RFX3: variants seen among roughly 807,000 people sequenced by gnomAD.
RFX3 encodes regulatory factor X3.
RFX3 carries 14 observed loss-of-function variants against 98.6 expected under a neutral mutation model. The observed-to-expected ratio is 0.14, with a 90% CI of 0.09 to 0.22. The LOEUF is 0.22. RFX3 is among the 10% of genes least tolerant of loss of function. The pLI, the probability that RFX3 is intolerant of heterozygous loss-of-function variation, is 1.00. For synonymous variants in RFX3, 383 were observed against 328.4 expected (o/e 1.17, Z -1.80); for missense variants, 639 against 926.9 (o/e 0.69, Z 4.03).
At chr9:3,394,746 T>C (rs1840681517) in intron 2 of RFX3, 1 of 762,410 alleles carries the variant, frequency 1.3e-6, no homozygotes, top group Non-Finnish European at 1.6e-6. Flanking sequence ...CTCAAGATAA[T>C]GTTATATGAC....
rs571543229 is a variant in RFX3, at chr9:3,271,245, A to T, written c.1087-127T>A. 76 of 666,718 alleles carry T rather than the reference A, an allele frequency of 1.1e-4. No homozygotes were observed. In the African/African-American group the frequency reaches 1.3e-3, roughly 11 times the overall value. The allele number at this position is 666,718 out of a possible 1,614,324, so 41.3% of individuals were successfully genotyped here. On this transcript the variant is annotated intron_variant, in intron 9 of 16. Transcript: ENST00000617270. ...TGGGGTCATAAGTTAACATGGTGAA[A>T]CTACACTAAATTTTACCAAAGGAAG...
At chr9:3,524,878 C>CG (rs1467119557) in intron 1 of RFX3, among the ~76,000 whole-genome samples, 2 of 113,966 alleles carry the variant, frequency 1.8e-5, no homozygotes, top group East Asian at 5.5e-4. Context: ...CACACACACA[C>CG]CAAAGAAGAG....
chr9:3,412,929 T>G (rs1355074598), intron 1 of RFX3, among the ~76,000 whole-genome samples: 1 of 152,162 alleles, frequency 6.6e-6, no homozygotes, highest in Admixed American at 6.6e-5. Flanking sequence ...TCAATAACTA[T>G]AGAGAACAGG....
rs1427598401 is a variant in RFX3, at chr9:3,480,142, T to TAGA, written c.-9+45604_-9+45605insTCT. On this transcript the variant is annotated intron_variant, in intron 1 of 16. Transcript: ENST00000617270. ...CAACAACCACCATTTTATTTGGTCA[T>TAGA]AATTCTGCAATCTGAGCAGGGCTCA... is the stretch of plus-strand genomic sequence containing the variant. 4.6e-5 allele frequency among the ~76,000 whole-genome samples: 7 copies of TAGA among 152,364 alleles called. 1 individual carries two copies. Among genetic ancestry groups the TAGA allele is most frequent in the Admixed American group, 1.3e-4 (2 of 15,296 alleles).
chr9:3,275,470 T>A (rs1284550530), intron 9 of RFX3, 30 bp downstream of exon 9: 4 of 1,258,004 alleles, frequency 3.2e-6, no homozygotes, highest in Admixed American at 3.4e-5. Context: ...AAACCTAGCA[T>A]GTGTTCATAC....
At chr9:3,250,993 AGATATACGTACAATCGTATATGAAG>A (rs1163704114) in intron 14 of RFX3, among the ~76,000 whole-genome samples, 1 of 152,186 alleles carries the variant, frequency 6.6e-6, no homozygotes, top group Non-Finnish European at 1.5e-5. Flanking sequence ...ACTTATCCAA[AGATATACGTACAATCGTATATGAAG>A]ATAATCATAA....
intron 1 of RFX3, among the ~76,000 whole-genome samples, chr9:3,476,379 A>T (rs1223158759): frequency 6.6e-6 from 1 of 152,118 alleles, no homozygotes; most frequent in Admixed American, 6.5e-5. Context: ...AAGTGCCAAG[A>T]GAGGATCATC....
intron 15 of RFX3, among the ~76,000 whole-genome samples, chr9:3,235,131 G>A (rs1220960438): frequency 6.6e-6 from 1 of 152,228 alleles, no homozygotes; most frequent in Non-Finnish European, 1.5e-5. Context: ...AAGTTTGCAA[G>A]ACAAGAGATT....
chr9:3,505,064 T>C (rs1423000119), intron 1 of RFX3, among the ~76,000 whole-genome samples: 1 of 93,420 alleles, frequency 1.1e-5, no homozygotes, highest in Non-Finnish European at 1.9e-5. Flanking sequence ...ATAAAATATA[T>C]AATAAAATAT....
intron 4 of RFX3, among the ~76,000 whole-genome samples, chr9:3,325,894 T>C (rs933108045): frequency 1.3e-5 from 2 of 152,060 alleles, no homozygotes; most frequent in African/African-American, 4.8e-5. Context: ...GAGGGAAATA[T>C]TATGTTGATA....
At chr9:3,450,241 T>TA (rs1407405838) in intron 1 of RFX3, among the ~76,000 whole-genome samples, 1 of 152,244 alleles carries the variant, frequency 6.6e-6, no homozygotes, top group East Asian at 1.9e-4. Flanking sequence ...TTGTTTGATC[T>TA]ATGTGAAAAT....
chr9:3,298,338 G>A (rs1021657289), intron 5 of RFX3, among the ~76,000 whole-genome samples: 3 of 151,636 alleles, frequency 2.0e-5, no homozygotes, highest in East Asian at 1.9e-4. Context: ...CTTTACCAAC[G>A]ATGTTCACAT....
intron 3 of RFX3, among the ~76,000 whole-genome samples, chr9:3,339,725 A>C (rs1833643016): frequency 6.6e-6 from 1 of 152,180 alleles, no homozygotes; most frequent in Non-Finnish European, 1.5e-5. Flanking sequence ...GTGATCAGTT[A>C]AGAATGAAAT....
intron 14 of RFX3, among the ~76,000 whole-genome samples, chr9:3,249,824 A>C (rs1188268755): frequency 1.3e-5 from 2 of 152,082 alleles, no homozygotes; most frequent in African/African-American, 4.8e-5. Context: ...CTGCCAATGT[A>C]ACTATACTGT....
At chr9:3,255,115 T>C (rs1334060480) in intron 14 of RFX3, among the ~76,000 whole-genome samples, 2 of 152,234 alleles carry the variant, frequency 1.3e-5, no homozygotes, top group Non-Finnish European at 2.9e-5. Context: ...AATTTAACTC[T>C]TATGAAACAT....
chr9:3,471,636 T>C (rs997962775), intron 1 of RFX3, among the ~76,000 whole-genome samples: 2 of 152,210 alleles, frequency 1.3e-5, no homozygotes, highest in Admixed American at 6.5e-5. Context: ...AATATATCTG[T>C]CTAAGACTTT....
At chr9:3,389,230 C>T (rs1019496868) in intron 2 of RFX3, among the ~76,000 whole-genome samples, 7 of 152,072 alleles carry the variant, frequency 4.6e-5, no homozygotes, top group African/African-American at 7.2e-5. Context: ...AGTTCTAGGA[C>T]AAGCAGGGGT....
At chr9:3,248,002 G>C in intron 15 of RFX3, 30 bp downstream of exon 15, 3 of 1,614,026 alleles carry the variant, frequency 1.9e-6, no homozygotes, top group Non-Finnish European at 2.5e-6. Flanking sequence ...TAATAACCCA[G>C]TGGGTCACAG....
At chr9:3,394,446 G>A (rs141193783) in intron 2 of RFX3, among the ~76,000 whole-genome samples, 32 of 152,288 alleles carry the variant, frequency 2.1e-4, no homozygotes, top group Non-Finnish European at 4.4e-5. Flanking sequence ...CTGGGAGACA[G>A]CGAGACTCCC....
Sources: gnomAD v4.1 joint callset for allele counts (sites outside exome capture counted in the v4.1 genomes callset) on GRCh38, gnomAD v4.1.1 for gene constraint, MANE v1.5 for transcripts, NCBI Gene and HGNC (gene_info 2026-07-23, HGNC 2026-07-21) for gene names.